Variants in KIAA1671 observed in about 807,000 individuals in gnomAD.
The protein encoded by KIAA1671 is KIAA1671.
In KIAA1671, 52 loss-of-function variants were observed where a neutral mutation model predicts 131.2. The observed-to-expected ratio is 0.40, with a 90% CI of 0.32 to 0.50. The LOEUF is 0.50. KIAA1671 is among the 20% of genes least tolerant of loss of function. KIAA1671 has a pLI of 0.73. For synonymous variants in KIAA1671, 1,003 were observed against 961.6 expected (o/e 1.04, Z -0.80); for missense variants, 2,360 against 2,364.2 (o/e 1.00, Z 0.04).
intron 1 of KIAA1671, chr22:25,010,777 A>C (rs1347186187): frequency 6.6e-6 from 1 of 152,176 alleles, no homozygotes; most frequent in African/African-American, 2.4e-5. Flanking sequence ...TTAAATGGGT[A>C]TATTTTATTA....
chr22:25,060,590 A>G (rs1156817198), intron 6 of KIAA1671: 1 of 152,184 alleles, frequency 6.6e-6, no homozygotes, highest in African/African-American at 2.4e-5. Context: ...TTGTTATCTC[A>G]CTGGATCCTT....
intron 6 of KIAA1671, among the ~76,000 whole-genome samples, chr22:25,120,707 C>T (rs1931891956): frequency 6.6e-6 from 1 of 152,226 alleles, no homozygotes; most frequent in Non-Finnish European, 1.5e-5. Flanking sequence ...GCATTTCCTT[C>T]TTGTCTTTTT....
In KIAA1671 at chr22:25,029,041, G is replaced by A. The variant is rs1050912942; in HGVS notation, c.1042G>A (p.Ala348Thr). The change falls in exon 3 of 13, where the codon GCC (alanine) becomes ACC (threonine). Residue 348 changes from alanine to threonine, a missense_variant. Transcript: ENST00000358431. Reference protein sequence around the residue: ...HDPDLDFLEVAKKIRERKEKM... With the variant: ...HDPDLDFLEVTKKIRERKEKM... ...TCCTGATTTGGACTTCCTGGAGGTGGCCAAGAAAATCCGTGAACGGAAGGA... is the reference window on the plus strand; with the variant it reads ...TCCTGATTTGGACTTCCTGGAGGTGACCAAGAAAATCCGTGAACGGAAGGA... 4.6e-6 allele frequency: 7 copies of A among 1,505,766 alleles called. No individual in the cohort carries two copies. The African/African-American group carries it at 8.4e-5, about 18-fold the overall frequency. 93.3% of individuals were successfully genotyped at this position (1,505,766 alleles called of 1,614,324 possible).
chr22:25,017,288 C>T (rs1925381581), intron 1 of KIAA1671, among the ~76,000 whole-genome samples: 1 of 152,182 alleles, frequency 6.6e-6, no homozygotes, highest in Non-Finnish European at 1.5e-5. Context: ...GAGGCTGAGG[C>T]AGGAGAATTG....
chr22:25,148,678 G>T (rs1397373254), intron 6 of KIAA1671, among the ~76,000 whole-genome samples: 1 of 152,176 alleles, frequency 6.6e-6, no homozygotes, highest in Non-Finnish European at 1.5e-5. Context: ...GGAGCTTCCA[G>T]CTCACCTGGA....
intron 11 of KIAA1671, 105 bp downstream of exon 11, chr22:25,185,224 C>A: frequency 8.2e-7 from 1 of 1,218,140 alleles, no homozygotes; most frequent in Non-Finnish European, 1.1e-6. Flanking sequence ...AGAGTTACAA[C>A]TTTTTAATTT....
At chr22:25,118,398 A>C (rs1931781382) in intron 6 of KIAA1671, among the ~76,000 whole-genome samples, 1 of 151,968 alleles carries the variant, frequency 6.6e-6, no homozygotes, top group South Asian at 2.1e-4. Flanking sequence ...ACCTAGGATG[A>C]TCACCTCAAC....
At chr22:25,098,702 G>T (rs1331730678) in intron 6 of KIAA1671, among the ~76,000 whole-genome samples, 2 of 152,072 alleles carry the variant, frequency 1.3e-5, no homozygotes, top group East Asian at 3.9e-4. Context: ...CTAGCCCAAG[G>T]TCTAGGACTC....
In KIAA1671 at chr22:25,040,420, C is replaced by T; in HGVS notation, c.3290C>T (p.Ala1097Val). The stretch of plus-strand genomic sequence containing the variant: ...ATGAAGGGACGAGAGCATGAAAATG[C>T]AAGCATTTTAAAAACTCTGAAGCCA... Reference protein sequence around the residue: ...NWMKGREHENASILKTLKPTD... With the variant: ...NWMKGREHENVSILKTLKPTD... The change falls in exon 5 of 13, where the codon GCA (alanine) becomes GTA (valine). Residue 1097 changes from alanine to valine, a missense_variant. Physicochemically the swap from Ala to Val is moderately conservative, Grantham distance 64. Around this residue, in one of 3 missense-constraint regions of KIAA1671, gnomAD observed 1,161 missense variants for 1,204.7 expected, o/e 0.96. Coordinates refer to ENST00000358431, the MANE Select transcript of KIAA1671 (RefSeq NM_001145206.2). The T allele has an allele frequency of 1.3e-6, 2 of 1,552,028 alleles. No homozygotes were observed. Among genetic ancestry groups the T allele is most frequent in the Non-Finnish European group, 1.7e-6 (2 of 1,147,072 alleles).
chr22:25,179,111 C>T (rs1184302621), intron 9 of KIAA1671, among the ~76,000 whole-genome samples: 2 of 152,270 alleles, frequency 1.3e-5, no homozygotes, highest in South Asian at 2.1e-4. Flanking sequence ...TCACGCCCGG[C>T]GGCTCCTGCA....
intron 6 of KIAA1671, among the ~76,000 whole-genome samples, chr22:25,149,895 G>A (rs900793782): frequency 6.6e-6 from 1 of 152,008 alleles, no homozygotes; most frequent in Non-Finnish European, 1.5e-5. Context: ...CAACACAAAA[G>A]TCACCACCTC....
chr22:24,995,274 G>C (rs982971972), intron 1 of KIAA1671, among the ~76,000 whole-genome samples: 4 of 151,106 alleles, frequency 2.6e-5, no homozygotes, highest in Non-Finnish European at 5.9e-5. Context: ...GGATGGTCTC[G>C]ATCTCCTGAC....
intron 1 of KIAA1671, among the ~76,000 whole-genome samples, chr22:24,973,028 C>T (rs900850657): frequency 1.3e-5 from 2 of 152,094 alleles, no homozygotes; most frequent in African/African-American, 4.8e-5. Flanking sequence ...GGTAGCAGGA[C>T]CGGCAAGTGC....
At chr22:25,085,494 T>C (rs968190518) in intron 6 of KIAA1671, among the ~76,000 whole-genome samples, 5 of 150,610 alleles carry the variant, frequency 3.3e-5, no homozygotes, top group African/African-American at 7.3e-5. Context: ...CCCAGTGTGC[T>C]GAGGGGCCCC....
At chr22:25,019,117 C>T (rs1341973297) in intron 1 of KIAA1671, among the ~76,000 whole-genome samples, 2 of 150,620 alleles carry the variant, frequency 1.3e-5, no homozygotes, top group Admixed American at 6.6e-5. Flanking sequence ...TAGCCACTCT[C>T]ATGGGTGGGA....
Position 25,194,617 on chromosome 22 carries a change from A to C in KIAA1671, c.*2216A>C, listed in dbSNP as rs1200477614. The C allele has an allele frequency of 6.6e-6, 1 of 152,168 alleles. No homozygotes were observed. 9.4% of individuals were successfully genotyped at this position (152,168 alleles called of 1,614,324 possible). Reference sequence around the variant, plus strand: ...TTGACCTGGAGATTTTTTTTCCCTAATCTCTCATACCTTAATTGGAAAAAT... The same window carrying C: ...TTGACCTGGAGATTTTTTTTCCCTACTCTCTCATACCTTAATTGGAAAAAT... On this transcript the variant is annotated 3_prime_UTR_variant, in exon 13 of 13. Transcript: ENST00000358431.
intron 7 of KIAA1671, among the ~76,000 whole-genome samples, chr22:25,173,544 G>T (rs925358957): frequency 3.9e-5 from 6 of 152,150 alleles, no homozygotes; most frequent in African/African-American, 1.4e-4. Flanking sequence ...ATGATGATTT[G>T]ATCCTTATGC....
intron 6 of KIAA1671, among the ~76,000 whole-genome samples, chr22:25,109,808 TTAAA>T (rs1455786767): frequency 6.6e-6 from 1 of 152,178 alleles, no homozygotes; most frequent in African/African-American, 2.4e-5. Context: ...TGAATCTTTA[TTAAA>T]TGAATGAATG....
At chr22:25,043,790 A>T (rs1383782003) in intron 5 of KIAA1671, among the ~76,000 whole-genome samples, 1 of 152,142 alleles carries the variant, frequency 6.6e-6, no homozygotes, top group Admixed American at 6.5e-5. Flanking sequence ...AGGTGGGAAG[A>T]GCGTAGAATG....
Sources: gnomAD v4.1 joint callset for allele counts (sites outside exome capture counted in the v4.1 genomes callset) on GRCh38, gnomAD v4.1.1 for gene constraint, gnomAD v4.1.1 regional missense constraint, MANE v1.5 for transcripts, NCBI Gene and HGNC (gene_info 2026-07-23, HGNC 2026-07-21) for gene names.